PCDH7: variants seen among roughly 807,000 people sequenced by gnomAD.
PCDH7 encodes protocadherin 7.
In PCDH7, 17 loss-of-function variants were observed where a neutral mutation model predicts 58.9. The ratio of observed to expected loss-of-function variants is 0.29; its 90% CI spans 0.20 to 0.43. The LOEUF (loss-of-function observed/expected upper bound fraction) is 0.43, where lower values mean the gene tolerates loss of function less well. Among genes scored for constraint, PCDH7 ranks in the 20% least tolerant of loss-of-function variants. The probability of loss-of-function intolerance (pLI) is 1.00; values close to 1 mark genes in which losing one functional copy is unlikely to be tolerated. For missense variants in PCDH7, 1,274 were observed against 1,441.0 expected, an observed-to-expected ratio of 0.88 and a Z score of 1.88; for synonymous variants, 664 against 616.4, an observed-to-expected ratio of 1.08 and a Z score of -1.14.
intron 1 of PCDH7, among the ~76,000 whole-genome samples, chr4:30,816,543 A>T (rs1184880566): frequency 2.0e-5 from 3 of 148,592 alleles, no homozygotes; most frequent in African/African-American, 7.4e-5. Flanking sequence ...ATATTTTGGA[A>T]TGAGTTTTTT....
At chr4:31,067,374 C>CAAAAAA (rs10715937) in intron 3 of PCDH7, among the ~76,000 whole-genome samples, 2 of 109,610 alleles carry the variant, frequency 1.8e-5, no homozygotes, top group African/African-American at 6.8e-5. Flanking sequence ...ATCACTGAGA[C>CAAAAAA]AAAAAAAAAA....
chr4:31,027,533 C>T (rs1032643693), intron 3 of PCDH7, among the ~76,000 whole-genome samples: 5 of 152,130 alleles, frequency 3.3e-5, no homozygotes, highest in Non-Finnish European at 7.3e-5. Context: ...AGGGATTCTC[C>T]TGCCTCAACC....
chr4:31,069,472 A>G (rs1758362323), intron 3 of PCDH7, among the ~76,000 whole-genome samples: 1 of 152,114 alleles, frequency 6.6e-6, no homozygotes, highest in Non-Finnish European at 1.5e-5. Context: ...TTAGCAGAGA[A>G]AACCCAGAGA....
At chr4:31,110,230 C>A (rs757600284) in intron 3 of PCDH7, among the ~76,000 whole-genome samples, 1 of 152,214 alleles carries the variant, frequency 6.6e-6, no homozygotes, top group Non-Finnish European at 1.5e-5. Flanking sequence ...GTGAATCTAT[C>A]ATTCAAACAC....
At chr4:30,817,165 C>T (rs1727793097) in intron 1 of PCDH7, among the ~76,000 whole-genome samples, 1 of 152,084 alleles carries the variant, frequency 6.6e-6, no homozygotes, top group Non-Finnish European at 1.5e-5. Flanking sequence ...ACTTAGAAAC[C>T]TGATTTAAAT....
chr4:30,898,335 G>C (rs1429855516), intron 1 of PCDH7, among the ~76,000 whole-genome samples: 1 of 152,126 alleles, frequency 6.6e-6, no homozygotes, highest in African/African-American at 2.4e-5. Context: ...TTATTCTTCT[G>C]TTAAATTGCG....
At chr4:30,960,392 A>G (rs1374865557) in intron 3 of PCDH7, among the ~76,000 whole-genome samples, 1 of 152,122 alleles carries the variant, frequency 6.6e-6, no homozygotes, top group Non-Finnish European at 1.5e-5. Context: ...ATCCCAGTAA[A>G]CCAGGTAGTT....
chr4:30,766,925 A>G (rs1346960999), intron 1 of PCDH7, among the ~76,000 whole-genome samples: 1 of 152,206 alleles, frequency 6.6e-6, no homozygotes, highest in African/African-American at 2.4e-5. Context: ...CATCCATCAA[A>G]AAATTTTAAA....
rs997424383 is a variant in PCDH7 at position 30,820,654 on chromosome 4, C to T, written c.70+96058C>T. Among the ~76,000 whole-genome samples, 3 of 151,646 alleles carry T rather than the reference C, an allele frequency of 2.0e-5. 1 individual carries two copies. Among genetic ancestry groups the T allele is most frequent in the Admixed American group, 2.0e-4 (3 of 15,190 alleles). The stretch of plus-strand genomic sequence containing the variant: ...AGAAGTTTTGAGAATATGTAGGTCA[C>T]AACCATCACATCATATATAAATGAT... On this transcript the variant is annotated intron_variant, in intron 1 of 3. Coordinates refer to the PCDH7 transcript ENST00000509759.
At chr4:30,828,463 AC>A (rs1729363837) in intron 1 of PCDH7, among the ~76,000 whole-genome samples, 1 of 152,016 alleles carries the variant, frequency 6.6e-6, no homozygotes, top group South Asian at 2.1e-4. Flanking sequence ...GTGGCTTAAA[AC>A]AATGTCAGTT....
At chr4:30,724,506 C>T (rs1420264208) in exon 1 of PCDH7, 5 of 1,614,152 alleles carry the variant, frequency 3.1e-6, no homozygotes, top group Non-Finnish European at 4.2e-6. Context: ...CACCAGCCAA[C>T]ACATTTGTGG....
chr4:30,800,096 G>A (rs555439315), intron 1 of PCDH7, among the ~76,000 whole-genome samples: 1 of 151,686 alleles, frequency 6.6e-6, no homozygotes, highest in East Asian at 2.0e-4. Context: ...CTGACCTCAT[G>A]ATCTGCCCAC....
At chr4:30,920,236 G>A in exon 2 of PCDH7, 1 of 1,367,736 alleles carries the variant, frequency 7.3e-7, no homozygotes, top group South Asian at 1.1e-5. Flanking sequence ...ATGACAGCGG[G>A]CTGGAGGAGT....
At chr4:31,017,418 C>G (rs1020059724) in intron 3 of PCDH7, among the ~76,000 whole-genome samples, 1 of 151,944 alleles carries the variant, frequency 6.6e-6, no homozygotes, top group African/African-American at 2.4e-5. Flanking sequence ...TACACTGGTC[C>G]CATAGAGATG....
intron 2 of PCDH7, among the ~76,000 whole-genome samples, chr4:30,940,808 T>G (rs1745944118): frequency 6.6e-6 from 1 of 152,000 alleles, no homozygotes; most frequent in Non-Finnish European, 1.5e-5. Context: ...AAATCAGCAA[T>G]TTTGTAGAAG....
intron 3 of PCDH7, among the ~76,000 whole-genome samples, chr4:31,012,927 T>A (rs1231577044): frequency 6.6e-6 from 1 of 150,448 alleles, no homozygotes; most frequent in Non-Finnish European, 1.5e-5. Context: ...GGAGAATCCT[T>A]TGAGTTCAGG....
chr4:30,749,396 G>A (rs762627006), intron 1 of PCDH7, among the ~76,000 whole-genome samples: 1 of 152,140 alleles, frequency 6.6e-6, no homozygotes, highest in Non-Finnish European at 1.5e-5. Flanking sequence ...TCTTCGTCAT[G>A]GTAGTGGGAA....
At chr4:31,064,301 T>G (rs1428692858) in intron 3 of PCDH7, among the ~76,000 whole-genome samples, 1 of 151,988 alleles carries the variant, frequency 6.6e-6, no homozygotes, top group East Asian at 1.9e-4. Context: ...CATCCAGATA[T>G]AGGAACCTTT....
At chr4:30,812,026 T>C (rs1159745953) in intron 1 of PCDH7, among the ~76,000 whole-genome samples, 1 of 152,200 alleles carries the variant, frequency 6.6e-6, no homozygotes, top group Non-Finnish European at 1.5e-5. Flanking sequence ...GGTCAGTGGA[T>C]AGAAGCAAAA....
Sources: allele counts gnomAD v4.1 joint callset (sites outside exome capture counted in the v4.1 genomes callset), GRCh38; gene constraint gnomAD v4.1.1; transcripts MANE v1.5; gene names NCBI Gene and HGNC (gene_info 2026-07-23, HGNC 2026-07-21).